SPDYA: variants seen among roughly 807,000 people sequenced by gnomAD.
The protein encoded by SPDYA is speedy protein A.
In SPDYA, 11 loss-of-function variants were observed where a neutral mutation model predicts 36.7. The ratio of observed to expected loss-of-function variants is 0.30; its 90% CI spans 0.19 to 0.50. SPDYA has a LOEUF of 0.50. SPDYA is among the 20% of genes least tolerant of loss of function. The pLI is 0.98. For synonymous variants in SPDYA, 115 were observed against 118.7 expected (o/e 0.97, Z 0.20); for missense variants, 287 against 370.9 (o/e 0.77, Z 1.86).
chr2:28,841,589 A>C (rs1668750978), intron 7 of SPDYA, among the ~76,000 whole-genome samples: 1 of 152,136 alleles, frequency 6.6e-6, no homozygotes, highest in African/African-American at 2.4e-5. Context: ...CATTATTTCA[A>C]AATTTTACCT....
chr2:28,837,549 T>C (rs1275999001), intron 6 of SPDYA, among the ~76,000 whole-genome samples: 1 of 152,172 alleles, frequency 6.6e-6, no homozygotes, highest in Non-Finnish European at 1.5e-5. Flanking sequence ...TATTAATACT[T>C]TTTAAGAACT....
intron 4 of SPDYA, among the ~76,000 whole-genome samples, chr2:28,821,571 T>G (rs62131973): frequency 0.41 from 62,976 of 151,936 alleles, 13,905 homozygotes; most frequent in Middle Eastern, 0.51. Flanking sequence ...GTTGGAAAAG[T>G]AACTACCTGG....
chr2:28,833,899 T>G (rs909517264), intron 6 of SPDYA, among the ~76,000 whole-genome samples: 1 of 152,144 alleles, frequency 6.6e-6, no homozygotes, highest in Non-Finnish European at 1.5e-5. Context: ...CTTCAAAGGA[T>G]ACCAAGTGAA....
chr2:28,840,339 G>A lies in SPDYA; in HGVS notation c.720G>A (p.Leu240=). The part of the protein sequence containing the change: ...LCGKKRRYVR[L]GLSSSSSLSS... The stretch of plus-strand genomic sequence containing the variant: ...GTAAAAAAAGAAGATATGTTAGACT[G>A]GGATTGTCTTCATCATCATCTTTAT... The change falls in exon 7 of 8, where the codon CTG becomes CTA. Residue 240 remains leucine (L), a synonymous_variant. Coordinates refer to ENST00000334056, the MANE Select transcript of SPDYA (RefSeq NM_182756.4). 2 of 1,610,904 alleles carry A rather than the reference G, an allele frequency of 1.2e-6. No homozygotes were observed. Among genetic ancestry groups the A allele is most frequent in the Non-Finnish European group, 1.7e-6 (2 of 1,178,546 alleles).
At chr2:28,819,203 G>C in intron 4 of SPDYA, 97 bp downstream of exon 4, 1 of 946,502 alleles carries the variant, frequency 1.1e-6, no homozygotes, top group South Asian at 1.8e-5. Flanking sequence ...TATCTTATTA[G>C]TTATGATTAA....
chr2:28,830,121 A>T lies in SPDYA; in HGVS notation c.552+802A>T, dbSNP rs145007672. Among the ~76,000 whole-genome samples, 1,058 of 151,890 alleles carry T rather than the reference A, an allele frequency of 7.0e-3. 9 individuals are homozygous for T. The highest frequency in any genetic ancestry group is 0.024 in the African/African-American group (1,004 of 41,456). On this transcript the variant is annotated intron_variant, in intron 6 of 7. Coordinates refer to ENST00000334056, the MANE Select transcript of SPDYA (RefSeq NM_182756.4). ...GCCACTGTACTCCAGCCTGGGCAAC[A>T]GAGCGAAACTCCATCTCAAAAACAA...
At chr2:28,847,639 G>A (rs763101761) in intron 7 of SPDYA, among the ~76,000 whole-genome samples, 6 of 151,428 alleles carry the variant, frequency 4.0e-5, no homozygotes, top group Non-Finnish European at 5.9e-5. Flanking sequence ...ACAGGTACTC[G>A]GGAGGCTGAG....
At position 28,849,925 on chromosome 2, in the gene SPDYA, C is replaced by T. The variant is rs753354043; in HGVS notation, c.926C>T (p.Thr309Ile). The T allele has an allele frequency of 3.0e-5, 48 of 1,591,980 alleles. No individual in the cohort carries two copies. The Middle Eastern group carries it at 1.5e-3, about 49-fold the overall frequency. The change falls in exon 8 of 8, where the codon ACA (threonine) becomes ATA (isoleucine). Residue 309 changes from threonine (T) to isoleucine (I), a missense_variant. Physicochemically the swap from Thr to Ile is moderately conservative, Grantham distance 89. Transcript: ENST00000334056. ...LKKDKSMEWFTGSEE is the reference protein window; with the variant it reads ...LKKDKSMEWFIGSEE ...AAAGACAAATCTATGGAGTGGTTTA[C>T]AGGAAGTGAAGAATGAGATGGCCCA...
chr2:28,832,026 C>A (rs763157983), intron 6 of SPDYA, among the ~76,000 whole-genome samples: 1 of 152,144 alleles, frequency 6.6e-6, no homozygotes, highest in African/African-American at 2.4e-5. Context: ...AGATATCCAT[C>A]AATAAAAACA....
At chr2:28,820,724 C>T (rs940072228) in intron 4 of SPDYA, among the ~76,000 whole-genome samples, 2 of 152,016 alleles carry the variant, frequency 1.3e-5, no homozygotes, top group South Asian at 2.1e-4. Flanking sequence ...GAAAATTAAG[C>T]GTGACTTTAC....
intron 7 of SPDYA, among the ~76,000 whole-genome samples, chr2:28,848,761 G>A (rs1012367929): frequency 1.3e-5 from 2 of 152,118 alleles, no homozygotes; most frequent in African/African-American, 4.8e-5. Context: ...CCATAAAACA[G>A]GCCGGGCATG....
intron 7 of SPDYA, among the ~76,000 whole-genome samples, chr2:28,847,874 T>C (rs1439961701): frequency 6.6e-6 from 1 of 152,144 alleles, no homozygotes; most frequent in Admixed American, 6.6e-5. Context: ...ACCTTTTCTA[T>C]GTTTAGATAC....
intron 3 of SPDYA, among the ~76,000 whole-genome samples, chr2:28,818,285 G>A (rs1250710953): frequency 6.6e-6 from 1 of 152,030 alleles, no homozygotes; most frequent in Non-Finnish European, 1.5e-5. Flanking sequence ...TGAATATAAA[G>A]AAGTTATGCC....
intron 3 of SPDYA, 81 bp from the exon 4 acceptor site, chr2:28,818,967 A>C: frequency 2.7e-6 from 3 of 1,129,104 alleles, no homozygotes; most frequent in Non-Finnish European, 1.3e-6. Context: ...CACCATGTAT[A>C]ATCTCTTGAC....
At chr2:28,846,506 G>A (rs1668879240) in intron 7 of SPDYA, among the ~76,000 whole-genome samples, 1 of 152,116 alleles carries the variant, frequency 6.6e-6, no homozygotes, top group African/African-American at 2.4e-5. Context: ...CCTCTGGAAG[G>A]CATTGGGATG....
chr2:28,838,345 C>A (rs1052879877), intron 6 of SPDYA, among the ~76,000 whole-genome samples: 3 of 151,952 alleles, frequency 2.0e-5, no homozygotes, highest in Admixed American at 1.3e-4. Flanking sequence ...CCATGCCCAA[C>A]TAATTTTGTA....
chr2:28,819,120 C>T lies in SPDYA; in HGVS notation c.294+14C>T. On this transcript the variant is annotated intron_variant, in intron 4 of 7. Coordinates refer to ENST00000334056, the MANE Select transcript of SPDYA (RefSeq NM_182756.4). Reference sequence around the variant, plus strand: ...ATTGCAGACAAGGTAAATTTGGTAACAGTATAACAATTAACCAGCATTATA... The same window carrying T: ...ATTGCAGACAAGGTAAATTTGGTAATAGTATAACAATTAACCAGCATTATA... 1 of 1,596,442 alleles carries T rather than the reference C, an allele frequency of 6.3e-7. No individual in the cohort carries two copies. The highest frequency in any genetic ancestry group is 8.6e-7 in the Non-Finnish European group (1 of 1,166,178).
At chr2:28,838,698 G>A (rs555623267) in intron 6 of SPDYA, among the ~76,000 whole-genome samples, 2 of 152,274 alleles carry the variant, frequency 1.3e-5, no homozygotes, top group South Asian at 2.1e-4. Flanking sequence ...TTGGCTGAGC[G>A]AGGTGGCTCA....
intron 5 of SPDYA, among the ~76,000 whole-genome samples, chr2:28,827,263 G>A (rs1290198334): frequency 1.3e-5 from 2 of 151,936 alleles, no homozygotes; most frequent in South Asian, 2.1e-4. Flanking sequence ...TTCTATCTGT[G>A]TTTCTTTGGG....
Sources: allele counts gnomAD v4.1 joint callset (sites outside exome capture counted in the v4.1 genomes callset), GRCh38; gene constraint gnomAD v4.1.1; transcripts MANE v1.5; gene names NCBI Gene and HGNC (gene_info 2026-07-23, HGNC 2026-07-21).